The following SGK1 variants were observed in gnomAD, a reference collection of about 807,000 sequenced individuals.
SGK1 encodes the protein serine/threonine-protein kinase Sgk1.
SGK1 carries 26 observed loss-of-function variants against 64.2 expected under a neutral mutation model. The ratio of observed to expected loss-of-function variants is 0.40; its 90% CI spans 0.30 to 0.56. SGK1 has a LOEUF of 0.56. SGK1 is among the 20% of genes least tolerant of loss of function. The pLI is 0.38. For synonymous variants in SGK1, 265 were observed against 239.7 expected, an observed-to-expected ratio of 1.11 and a Z score of -0.98; for missense variants, 519 against 645.6, an observed-to-expected ratio of 0.80 and a Z score of 2.12.
chr6:134,283,905 A>AAAAAAAC (rs1777139420), intron 1 of SGK1, among the ~76,000 whole-genome samples: 1 of 134,002 alleles, frequency 7.5e-6, no homozygotes, highest in Non-Finnish European at 1.6e-5. Context: ...AAAAAAAAAA[A>AAAAAAAC]AGCCTGACCA....
chr6:134,227,239 A>G (rs138254031), intron 2 of SGK1, among the ~76,000 whole-genome samples: 1 of 152,092 alleles, frequency 6.6e-6, no homozygotes, highest in Non-Finnish European at 1.5e-5. Flanking sequence ...GATTCAAGTG[A>G]TTCTCCTGCC....
intron 1 of SGK1, among the ~76,000 whole-genome samples, chr6:134,271,275 C>T (rs989689106): frequency 2.4e-5 from 3 of 127,536 alleles, no homozygotes; most frequent in African/African-American, 7.8e-5. Context: ...GCCGAGATTG[C>T]ACCACTAGAC....
At position 134,241,023 on chromosome 6, in the gene SGK1, C is replaced by T. The variant is rs1355948195; in HGVS notation, c.285+20910G>A. Among the ~76,000 whole-genome samples the T allele has an allele frequency of 2.0e-5, 3 of 149,188 alleles. No individual in the cohort carries two copies. In the East Asian group the frequency reaches 6.1e-4, roughly 30 times the overall value. On this transcript the variant is annotated intron_variant, in intron 2 of 13. Transcript: ENST00000367858. ...AAATCTCAATTAAGGCAGCACTTTCCTGAAGATGTTTCTTTTCTTTTTTTC... is the reference window on the plus strand; with the variant it reads ...AAATCTCAATTAAGGCAGCACTTTCTTGAAGATGTTTCTTTTCTTTTTTTC...
chr6:134,193,245 A>T (rs565622822), intron 3 of SGK1, among the ~76,000 whole-genome samples: 95 of 152,356 alleles, frequency 6.2e-4, no homozygotes, highest in African/African-American at 2.2e-3. Context: ...GGAGTACGTT[A>T]TAAGTCCTCA....
chr6:134,202,541 T>TGAGACAG (rs1775702616), intron 3 of SGK1, among the ~76,000 whole-genome samples: 2 of 151,960 alleles, frequency 1.3e-5, no homozygotes, highest in Admixed American at 1.3e-4. Context: ...CTTGGGAGGC[T>TGAGACAG]GAGACAGGAG....
chr6:134,206,785 T>C (rs1226412969), intron 3 of SGK1, among the ~76,000 whole-genome samples: 1 of 148,918 alleles, frequency 6.7e-6, no homozygotes, highest in East Asian at 2.0e-4. Context: ...GAGAATCGCT[T>C]GAACCCTGGA....
chr6:134,171,059 C>T lies in SGK1; in HGVS notation c.1287G>A (p.Lys429=), dbSNP rs1434104663. 1 of 1,613,996 alleles carries T rather than the reference C, an allele frequency of 6.2e-7. No homozygotes were observed. Among genetic ancestry groups the T allele is most frequent in the East Asian group, 2.2e-5 (1 of 44,892 alleles). Reference sequence around the variant, plus strand: ...TGGCCCCGAGCCGCTTTGTCCTGTCCTTCTGCAGGAGGCCCTCCAGGAGGT... The same window carrying T: ...TGGCCCCGAGCCGCTTTGTCCTGTCTTTCTGCAGGAGGCCCTCCAGGAGGT... ...ARHLLEGLLQ[K]DRTKRLGAKD... Residue 429 remains lysine (K), a synonymous_variant, in exon 12 of 14, where the codon AAG becomes AAA. Coordinates refer to ENST00000367858, the MANE Select transcript of SGK1 (RefSeq NM_001143676.3).
chr6:134,278,180 T>C lies in SGK1; in HGVS notation c.70-16032A>G, dbSNP rs934459577. On this transcript the variant is annotated intron_variant, in intron 1 of 13. Transcript: ENST00000367858. ...CAGCACTCAGCACAAGTTTGTTGAA[T>C]GAACAAATGATCAAATGACATTTGC... 4.6e-5 allele frequency among the ~76,000 whole-genome samples: 7 copies of C among 152,350 alleles called. No homozygotes were observed. In the Middle Eastern group the frequency reaches 0.01, roughly 222 times the overall value.
chr6:134,218,526 G>A (rs562672172), intron 2 of SGK1, among the ~76,000 whole-genome samples: 33 of 145,712 alleles, frequency 2.3e-4, no homozygotes, highest in Non-Finnish European at 4.3e-4. Flanking sequence ...CCACCTCCCC[G>A]GTTCAAGTGA....
rs147630744 is a variant in SGK1 at position 134,193,492 on chromosome 6, G to A, written c.361+13864C>T. Among the ~76,000 whole-genome samples, 10 of 152,004 alleles carry A rather than the reference G, an allele frequency of 6.6e-5. No homozygotes were observed. The East Asian group carries it at 1.9e-3, about 30-fold the overall frequency. ...CTCATCTCAGCCTCCCAAGTAGCTG[G>A]GACTACAGGGATCTTCTCCCTTTGT... On this transcript the variant is annotated intron_variant, in intron 3 of 13. Coordinates refer to ENST00000367858, the MANE Select transcript of SGK1 (RefSeq NM_001143676.3).
chr6:134,253,720 C>T (rs1344735696), intron 2 of SGK1, among the ~76,000 whole-genome samples: 2 of 152,046 alleles, frequency 1.3e-5, no homozygotes, highest in Non-Finnish European at 2.9e-5. Context: ...TGTCTTCCTC[C>T]TTTGTAAAGG....
intron 2 of SGK1, among the ~76,000 whole-genome samples, chr6:134,250,173 T>C (rs1298007832): frequency 6.6e-6 from 1 of 152,224 alleles, no homozygotes; most frequent in Non-Finnish European, 1.5e-5. Flanking sequence ...CAGACTTGTG[T>C]ATTTACAACT....
rs1383459382 is a variant in SGK1 at position 134,172,734 on chromosome 6, G to C, written c.875C>G (p.Pro292Arg). The C allele has an allele frequency of 6.2e-7, 1 of 1,614,116 alleles. No homozygotes were observed. The highest frequency in any genetic ancestry group is 8.5e-7 in the Non-Finnish European group (1 of 1,179,972). ...TTCAGCAGCATAGAAACGAGCCCGTGGTTCCAGGAAGCAGCGTTCCCTCTG... is the reference window on the plus strand; with the variant it reads ...TTCAGCAGCATAGAAACGAGCCCGTCGTTCCAGGAAGCAGCGTTCCCTCTG... The part of the protein sequence containing the change: ...HLQRERCFLE[P>R]RARFYAAEIA... Residue 292 changes from proline (P) to arginine (R), a missense_variant, in exon 9 of 14, where the codon CCA becomes CGA. Pro to Arg is a moderately radical substitution (Grantham distance 103). Coordinates refer to ENST00000367858, the MANE Select transcript of SGK1 (RefSeq NM_001143676.3).
intron 1 of SGK1, among the ~76,000 whole-genome samples, chr6:134,265,716 A>G (rs1776844678): frequency 6.7e-6 from 1 of 148,834 alleles, no homozygotes; most frequent in Non-Finnish European, 1.5e-5. Context: ...TATTGTTAGT[A>G]TCATGGGTGT....
intron 1 of SGK1, among the ~76,000 whole-genome samples, chr6:134,286,478 A>ATTT (rs1267281237): frequency 6.2e-5 from 8 of 128,468 alleles, no homozygotes; most frequent in East Asian, 2.2e-4. Flanking sequence ...AAAATACAAT[A>ATTT]TTTTTTTTTT....
At chr6:134,258,334 C>A (rs538996530) in intron 2 of SGK1, among the ~76,000 whole-genome samples, 2 of 152,104 alleles carry the variant, frequency 1.3e-5, no homozygotes, top group Admixed American at 6.6e-5. Context: ...CCATCCACCC[C>A]CCTTGGCTTC....
rs964352181 is a variant in SGK1 at position 134,228,993 on chromosome 6, G to A, written c.286-21562C>T. Among the ~76,000 whole-genome samples the A allele has an allele frequency of 8.5e-5, 13 of 152,308 alleles. No individual in the cohort carries two copies. The East Asian group carries it at 1.7e-3, about 20-fold the overall frequency. ...TGAGTAGCTGGGACTACTGGCGCCC[G>A]CCACTGCGCCCAGCTAATGTTTTGT... On this transcript the variant is annotated intron_variant, in intron 2 of 13. Coordinates refer to ENST00000367858, the MANE Select transcript of SGK1 (RefSeq NM_001143676.3).
chr6:134,253,707 T>G (rs974841573), intron 2 of SGK1, among the ~76,000 whole-genome samples: 1 of 152,116 alleles, frequency 6.6e-6, no homozygotes, highest in African/African-American at 2.4e-5. Flanking sequence ...CTTTGTAATT[T>G]ATTGTCTTCC....
At chr6:134,256,088 C>CTT (rs68106923) in intron 2 of SGK1, among the ~76,000 whole-genome samples, 76,978 of 138,920 alleles carry the variant, frequency 0.55, 21,799 homozygotes, top group South Asian at 0.64. Context: ...GTCCTTTTTC[C>CTT]TTTTTTTTTT....
Sources: allele counts gnomAD v4.1 joint callset (sites outside exome capture counted in the v4.1 genomes callset), GRCh38; gene constraint gnomAD v4.1.1; transcripts MANE v1.5; gene names NCBI Gene and HGNC (gene_info 2026-07-23, HGNC 2026-07-21).